USP53: variants seen among roughly 807,000 people sequenced by gnomAD.
The protein encoded by USP53 is ubiquitin carboxyl-terminal hydrolase 53.
USP53 carries 71 observed loss-of-function variants against 94.9 expected under a neutral mutation model. The ratio of observed to expected loss-of-function variants is 0.75; its 90% CI spans 0.62 to 0.91. The LOEUF (loss-of-function observed/expected upper bound fraction) is 0.91, where lower values mean the gene tolerates loss of function less well. Among genes scored for constraint, USP53 ranks in the 40% least tolerant of loss-of-function variants. USP53 has a pLI of 0.00. For missense variants in USP53, 1,173 were observed against 1,281.0 expected, an observed-to-expected ratio of 0.92 and a Z score of 1.29; for synonymous variants, 375 against 422.7, an observed-to-expected ratio of 0.89 and a Z score of 1.39.
Position 119,269,716 on chromosome 4 carries a change from G to A in USP53, c.1314G>A (p.Arg438=). Residue 438 remains arginine (R), a synonymous_variant, in exon 15 of 19, where the codon AGG becomes AGA. Coordinates refer to ENST00000692078, the MANE Select transcript of USP53 (RefSeq NM_001371395.1). Reference sequence around the variant, plus strand: ...CTAAGTTAAGTCACATTGATCAAAGGGAAAAGATAAAAGACATTTCCAGAG... The same window carrying A: ...CTAAGTTAAGTCACATTGATCAAAGAGAAAAGATAAAAGACATTTCCAGAG... ...GPAKLSHIDQ[R]EKIKDISREC... The A allele has an allele frequency of 2.7e-6, 4 of 1,483,438 alleles. No individual in the cohort carries two copies. Among genetic ancestry groups the A allele is most frequent in the Non-Finnish European group, 3.6e-6 (4 of 1,118,402 alleles). 91.9% of individuals were successfully genotyped at this position (1,483,438 alleles called of 1,614,324 possible).
chr4:119,261,515 A>G (rs1168414088), intron 11 of USP53, among the ~76,000 whole-genome samples, 200 bp from the exon 12 acceptor site: 4 of 152,172 alleles, frequency 2.6e-5, no homozygotes, highest in African/African-American at 9.7e-5. Flanking sequence ...ATTGGACTTA[A>G]AGTTTTATGA....
At chr4:119,286,880 C>T (rs1754171198) in intron 17 of USP53, among the ~76,000 whole-genome samples, 2 of 151,790 alleles carry the variant, frequency 1.3e-5, no homozygotes, top group Admixed American at 1.3e-4. Flanking sequence ...AGTTTTCGAG[C>T]CTCAGGCAGT....
intron 4 of USP53, among the ~76,000 whole-genome samples, chr4:119,236,466 G>C (rs1382100047): frequency 6.6e-6 from 1 of 152,194 alleles, no homozygotes; most frequent in African/African-American, 2.4e-5. Flanking sequence ...TTTCACCAAA[G>C]ATTCCTCTGT....
chr4:119,213,660 A>ATATATATATGTGTGTGTGTGTG, intron 1 of USP53, among the ~76,000 whole-genome samples: 82 of 117,722 alleles, frequency 7.0e-4, no homozygotes, highest in Middle Eastern at 4.2e-3. Flanking sequence ...ATATATATAT[A>ATATATATATGTGTGTGTGTGTG]TGTGTGTGTG....
chr4:119,267,532 A>G (rs1199148158), intron 13 of USP53, 50 bp downstream of exon 13: 1 of 1,532,208 alleles, frequency 6.5e-7, no homozygotes, highest in Non-Finnish European at 8.9e-7. Flanking sequence ...ATCACAGTCA[A>G]CTAGGAATAC....
intron 17 of USP53, among the ~76,000 whole-genome samples, chr4:119,279,386 G>A (rs1217106075): frequency 6.7e-6 from 1 of 149,796 alleles, no homozygotes; most frequent in Non-Finnish European, 1.5e-5. Flanking sequence ...TGCCCCTGCT[G>A]GGGGGTGCCT....
chr4:119,257,130 G>T, intron 9 of USP53, among the ~76,000 whole-genome samples: 1 of 152,248 alleles, frequency 6.6e-6, no homozygotes, highest in South Asian at 2.1e-4. Context: ...TTTTCCAACA[G>T]GTATTTGAAA....
chr4:119,291,014 C>T (rs1754694235), intron 17 of USP53, 151 bp from the exon 18 acceptor site: 2 of 519,542 alleles, frequency 3.8e-6, no homozygotes, highest in African/African-American at 2.0e-5. Context: ...TGAGTTGGGT[C>T]TTAAAGAATT....
At chr4:119,267,717 G>C (rs540605697) in intron 13 of USP53, among the ~76,000 whole-genome samples, 2 of 152,224 alleles carry the variant, frequency 1.3e-5, no homozygotes, top group Non-Finnish European at 2.9e-5. Context: ...CACAGAAGAG[G>C]CTTCATTAGT....
chr4:119,242,418 A>G lies in USP53; in HGVS notation c.144+2515A>G, dbSNP rs556181362. Among the ~76,000 whole-genome samples the G allele has an allele frequency of 1.1e-4, 17 of 152,228 alleles. No individual in the cohort carries two copies. The East Asian group carries it at 3.3e-3, about 29-fold the overall frequency. On this transcript the variant is annotated intron_variant, in intron 5 of 18. Coordinates refer to ENST00000692078, the MANE Select transcript of USP53 (RefSeq NM_001371395.1). ...TGCTATTGAGACTCCTTTTTCAACC[A>G]TTGCTCTGTGAATTATGAAGTTTTC... is the stretch of plus-strand genomic sequence containing the variant.
intron 17 of USP53, among the ~76,000 whole-genome samples, chr4:119,282,104 A>G (rs1274027268): frequency 2.0e-5 from 3 of 152,076 alleles, no homozygotes; most frequent in African/African-American, 7.3e-5. Context: ...TTCACTTAGC[A>G]TGATGACTTC....
intron 12 of USP53, chr4:119,266,213 G>T (rs1751106042): frequency 2.2e-6 from 1 of 447,584 alleles, no homozygotes; most frequent in Non-Finnish European, 4.5e-6. Flanking sequence ...TATTTTTATT[G>T]TGTGTTTTAT....
At chr4:119,258,346 A>G (rs998386294) in intron 9 of USP53, among the ~76,000 whole-genome samples, 3 of 152,228 alleles carry the variant, frequency 2.0e-5, no homozygotes, top group Non-Finnish European at 4.4e-5. Flanking sequence ...AGTTGTTACC[A>G]AATACTTGGA....
chr4:119,256,518 CT>C lies in USP53; in HGVS notation c.566del (p.Leu189TyrfsTer44). 6.2e-7 allele frequency: 1 copy of C among 1,613,970 alleles called. No individual in the cohort carries two copies. Among genetic ancestry groups the C allele is most frequent in the East Asian group, 2.2e-5 (1 of 44,844 alleles). ...TTGTGCGGTACATTTCTACAACAGCCTTATGGTAAGAACCTATTAAAGCTTA... is the reference window on the plus strand; with the variant it reads ...TTGTGCGGTACATTTCTACAACAGCCTATGGTAAGAACCTATTAAAGCTTA... ...EFVRYISTTALCNEVERMLER... is the reference protein window; with the variant it reads ...EFVRYISTTAXCNEVERMLER... On this transcript the variant is annotated frameshift_variant, in exon 9 of 19. Coordinates refer to ENST00000692078, the MANE Select transcript of USP53 (RefSeq NM_001371395.1). LOFTEE classifies it high-confidence loss of function.
chr4:119,245,379 T>G lies in USP53; in HGVS notation c.187T>G (p.Leu63Val). ...TATATTCCGACGAAGCTTGCGGGTT[T>G]TGACTGGACATGTTTGTCAGGGAGA... ...LDIFRRSLRV[L>V]TGHVCQGDAC... is the part of the protein sequence containing the mutation. Residue 63 changes from leucine to valine, a missense_variant, in exon 6 of 19, where the codon TTG becomes GTG. Coordinates refer to ENST00000692078, the MANE Select transcript of USP53 (RefSeq NM_001371395.1). The G allele has an allele frequency of 6.2e-7, 1 of 1,613,932 alleles. No homozygotes were observed. Among genetic ancestry groups the G allele is most frequent in the Non-Finnish European group, 8.5e-7 (1 of 1,179,900 alleles).
At chr4:119,288,938 CAAAA>C (rs35580805) in intron 17 of USP53, among the ~76,000 whole-genome samples, 3 of 107,014 alleles carry the variant, frequency 2.8e-5, no homozygotes, top group Admixed American at 1.0e-4. Context: ...AACTCTGTCT[CAAAA>C]AAAAAAAAAA....
rs1754993391 is a variant in USP53 at position 119,293,475 on chromosome 4, A to T, written c.*264A>T. On this transcript the variant is annotated 3_prime_UTR_variant, in exon 19 of 19. Coordinates refer to ENST00000692078, the MANE Select transcript of USP53 (RefSeq NM_001371395.1). ...TATACACATATATAATTTTATGATC[A>T]ATATCTTAGATATTTTAGAAATTCC... is the stretch of plus-strand genomic sequence containing the variant. 2 of 287,682 alleles carry T rather than the reference A, an allele frequency of 7.0e-6. No individual in the cohort carries two copies. The highest frequency in any genetic ancestry group is 2.2e-5 in the African/African-American group (1 of 46,058). 17.8% of individuals were successfully genotyped at this position (287,682 alleles called of 1,614,324 possible). A position where few individuals can be genotyped will look rare whatever the true frequency, so the allele number is the denominator to read the frequency against.
intron 7 of USP53, among the ~76,000 whole-genome samples, chr4:119,252,360 T>C (rs1304210393): frequency 1.3e-5 from 2 of 152,204 alleles, no homozygotes; most frequent in Non-Finnish European, 2.9e-5. Flanking sequence ...ATCCATCTGG[T>C]CCTGGACTTT....
chr4:119,269,965 G>C (rs1422041925), intron 15 of USP53, 128 bp downstream of exon 15: 5 of 298,780 alleles, frequency 1.7e-5, no homozygotes, highest in African/African-American at 2.3e-5. Flanking sequence ...AAATATATAA[G>C]TTAAATATAT....
Sources: gnomAD v4.1 joint callset for allele counts (sites outside exome capture counted in the v4.1 genomes callset) on GRCh38, gnomAD v4.1.1 for gene constraint, MANE v1.5 for transcripts, NCBI Gene and HGNC (gene_info 2026-07-23, HGNC 2026-07-21) for gene names.